Variants in MEI4 observed in about 807,000 individuals in gnomAD.
MEI4 encodes meiosis-specific protein MEI4.
A neutral mutation model predicts 31.4 loss-of-function variants in MEI4; 27 were observed. The observed-to-expected ratio is 0.86, with a 90% CI of 0.63 to 1.19. MEI4 has a LOEUF of 1.19. Among genes scored for constraint, MEI4 ranks in the 50% most tolerant of loss-of-function variants. MEI4 has a pLI of 0.00. For missense variants in MEI4, 329 were observed against 398.9 expected, an observed-to-expected ratio of 0.82 and a Z score of 1.49; for synonymous variants, 122 against 145.4, an observed-to-expected ratio of 0.84 and a Z score of 1.16.
chr6:77,751,547 C>A (rs887534432), intron 2 of MEI4, among the ~76,000 whole-genome samples: 16 of 151,768 alleles, frequency 1.1e-4, no homozygotes, highest in South Asian at 4.2e-4. Context: ...ACACATACAC[C>A]CTCCCGAGAC....
At chr6:77,798,784 C>T (rs62415491) in intron 3 of MEI4, among the ~76,000 whole-genome samples, 4 of 151,654 alleles carry the variant, frequency 2.6e-5, no homozygotes, top group African/African-American at 7.3e-5. Context: ...AGAATGATGA[C>T]TTCCAATTTC....
At chr6:77,832,383 G>C (rs1220595784) in intron 4 of MEI4, among the ~76,000 whole-genome samples, 1 of 151,884 alleles carries the variant, frequency 6.6e-6, no homozygotes, top group Admixed American at 6.6e-5. Flanking sequence ...CTCTATATAA[G>C]TCTGATTTAA....
rs9448190 is a variant in MEI4, at chr6:77,742,510, C to G, written c.233-18620C>G. ...AATTTATTTGAGTTCATTGTAGATTCTGGATATTAGCCCCTTGGTGAGATG... is the reference window on the plus strand; with the variant it reads ...AATTTATTTGAGTTCATTGTAGATTGTGGATATTAGCCCCTTGGTGAGATG... On this transcript the variant is annotated intron_variant, in intron 2 of 4. Coordinates refer to ENST00000684080, the MANE Select transcript of MEI4 (RefSeq NM_001322247.2). Among the ~76,000 whole-genome samples the G allele has an allele frequency of 7.0e-3, 1,060 of 152,198 alleles. 13 individuals are homozygous for G. Among genetic ancestry groups the G allele is most frequent in the African/African-American group, 0.024 (1,000 of 41,520 alleles).
At chr6:77,891,895 A>C (rs1440879302) in intron 4 of MEI4, among the ~76,000 whole-genome samples, 1 of 152,154 alleles carries the variant, frequency 6.6e-6, no homozygotes, top group Non-Finnish European at 1.5e-5. Context: ...AATCAATGTC[A>C]AGTTTGTCTG....
intron 4 of MEI4, among the ~76,000 whole-genome samples, chr6:77,832,456 A>G (rs1049859134): frequency 2.0e-5 from 3 of 152,136 alleles, no homozygotes; most frequent in Non-Finnish European, 2.9e-5. Flanking sequence ...AGGATTCAAT[A>G]ATAATTATTA....
chr6:77,719,205 C>T (rs1302416286), intron 2 of MEI4, among the ~76,000 whole-genome samples: 1 of 141,178 alleles, frequency 7.1e-6, no homozygotes, highest in Non-Finnish European at 1.5e-5. Flanking sequence ...TGTAATATCA[C>T]CGCACTATTG....
In MEI4 at chr6:77,861,560, A is replaced by T. The variant is rs76621204; in HGVS notation, c.900+32498A>T. ...CACAGAAATTTTTATTCTTTTATGA[A>T]TTTTAATATTTTTCCTGTCTTTTTT... On this transcript the variant is annotated intron_variant, in intron 4 of 4. Coordinates refer to ENST00000684080, the MANE Select transcript of MEI4 (RefSeq NM_001322247.2). Among the ~76,000 whole-genome samples the T allele has an allele frequency of 0.023, 3,453 of 152,234 alleles. 335 individuals are homozygous for T. The East Asian group carries it at 0.31, about 13-fold the overall frequency.
chr6:77,883,870 C>G (rs1489677177), intron 4 of MEI4, among the ~76,000 whole-genome samples: 2 of 151,032 alleles, frequency 1.3e-5, no homozygotes, highest in Admixed American at 1.3e-4. Context: ...GATTTCCTTT[C>G]TCGGATAAAT....
chr6:77,863,305 G>T (rs996784561), intron 4 of MEI4, among the ~76,000 whole-genome samples: 1 of 151,992 alleles, frequency 6.6e-6, no homozygotes, highest in Non-Finnish European at 1.5e-5. Flanking sequence ...GAGGAAGTTC[G>T]AACCCATGGC....
chr6:77,874,853 A>G (rs1206581656), intron 4 of MEI4, among the ~76,000 whole-genome samples: 3 of 152,174 alleles, frequency 2.0e-5, no homozygotes, highest in African/African-American at 7.2e-5. Context: ...TTCTGCATCT[A>G]TTGAGATAAT....
intron 3 of MEI4, among the ~76,000 whole-genome samples, chr6:77,779,251 AAG>A (rs1252953232): frequency 6.6e-6 from 1 of 152,196 alleles, no homozygotes; most frequent in Admixed American, 6.5e-5. Context: ...AAACCAATAG[AAG>A]AGAGTATTTC....
chr6:77,906,460 T>G (rs1766298652), intron 4 of MEI4, among the ~76,000 whole-genome samples: 1 of 152,194 alleles, frequency 6.6e-6, no homozygotes, highest in Non-Finnish European at 1.5e-5. Context: ...TGATGAAGAT[T>G]GCATGTATCC....
chr6:77,815,694 G>T (rs1244633297), intron 3 of MEI4, among the ~76,000 whole-genome samples: 2 of 152,094 alleles, frequency 1.3e-5, no homozygotes, highest in Admixed American at 1.3e-4. Context: ...GAAGGCATGT[G>T]CTGGAATGTT....
At chr6:77,710,892 A>G (rs1007416550) in intron 2 of MEI4, among the ~76,000 whole-genome samples, 2 of 152,314 alleles carry the variant, frequency 1.3e-5, no homozygotes, top group African/African-American at 4.8e-5. Flanking sequence ...AGTCAACCCA[A>G]ATGCCCTCAT....
At chr6:77,692,798 TC>T (rs1374436208) in intron 2 of MEI4, among the ~76,000 whole-genome samples, 1 of 152,046 alleles carries the variant, frequency 6.6e-6, no homozygotes. Flanking sequence ...CCCAAGTTTC[TC>T]TGAGTGTAGG....
At chr6:77,744,832 A>G (rs1767538513) in intron 2 of MEI4, among the ~76,000 whole-genome samples, 1 of 152,268 alleles carries the variant, frequency 6.6e-6, no homozygotes, top group Non-Finnish European at 1.5e-5. Context: ...CTTAAAGGAA[A>G]GAATTTTCAA....
chr6:77,882,448 C>A (rs1369064639), intron 4 of MEI4, among the ~76,000 whole-genome samples: 1 of 152,172 alleles, frequency 6.6e-6, no homozygotes, highest in Non-Finnish European at 1.5e-5. Flanking sequence ...TATTGAGTTT[C>A]TTTCCCACTC....
intron 4 of MEI4, among the ~76,000 whole-genome samples, chr6:77,854,813 C>T (rs1246426548): frequency 6.6e-6 from 1 of 152,038 alleles, no homozygotes; most frequent in East Asian, 1.9e-4. Flanking sequence ...AACCTCAAAG[C>T]AACCGTCTGG....
chr6:77,914,918 T>A (rs997252055), intron 4 of MEI4, among the ~76,000 whole-genome samples: 1 of 152,132 alleles, frequency 6.6e-6, no homozygotes, highest in African/African-American at 2.4e-5. Flanking sequence ...ATTTTTTCTA[T>A]ACCTTTATTT....
Sources: allele counts gnomAD v4.1 joint callset (sites outside exome capture counted in the v4.1 genomes callset), GRCh38; gene constraint gnomAD v4.1.1; transcripts MANE v1.5; gene names NCBI Gene and HGNC (gene_info 2026-07-23, HGNC 2026-07-21).